Variants in EIF2B3 observed in about 807,000 individuals in gnomAD.
EIF2B3 encodes translation initiation factor eIF2B subunit gamma.
Under a neutral mutation model 54.1 loss-of-function variants are expected in EIF2B3, and 20 were observed. The observed-to-expected ratio is 0.37, with a 90% CI of 0.26 to 0.54. The LOEUF (loss-of-function observed/expected upper bound fraction) is 0.54. Ranked by LOEUF, EIF2B3 falls within the 20% of genes least tolerant of loss-of-function variation. The pLI, the probability that EIF2B3 is intolerant of heterozygous loss-of-function variation, is 0.86. For missense variants in EIF2B3, 448 were observed against 547.8 expected, an observed-to-expected ratio of 0.82 and a Z score of 1.82; for synonymous variants, 153 against 188.1, an observed-to-expected ratio of 0.81 and a Z score of 1.52.
chr1:44,970,233 C>T (rs891859246), intron 3 of EIF2B3, among the ~76,000 whole-genome samples: 2 of 152,032 alleles, frequency 1.3e-5, no homozygotes, highest in African/African-American at 4.8e-5. Context: ...GAGGTTTCCA[C>T]ATATAAGTAG....
chr1:44,932,674 C>G (rs1384849893), intron 4 of EIF2B3, among the ~76,000 whole-genome samples: 2 of 151,984 alleles, frequency 1.3e-5, no homozygotes, highest in Non-Finnish European at 2.9e-5. Context: ...AAAAGTGTTT[C>G]ATGCAAAGAA....
rs1304063332 is a variant in EIF2B3 at position 44,941,550 on chromosome 1, T to A, written c.410A>T (p.Asp137Val). The A allele has an allele frequency of 6.2e-7, 1 of 1,614,052 alleles. No individual in the cohort carries two copies. Among genetic ancestry groups the A allele is most frequent in the Admixed American group, 1.7e-5 (1 of 60,014 alleles). The change falls in exon 4 of 12, where the codon GAT becomes GTT. Residue 137 changes from aspartate (D) to valine (V), a missense_variant. Around this residue, in one of 3 missense-constraint regions of EIF2B3, gnomAD observed 350 missense variants for 414.2 expected, o/e 0.85. Transcript: ENST00000360403. ...TTGACCGGGAACAGGTTCTATGCTA[T>A]CTTGGCCTTTTCTCATCAACATAGC... ...SLAMLMRKGQ[D>V]SIEPVPGQKG...
chr1:44,955,892 G>C (rs953675074), intron 3 of EIF2B3, among the ~76,000 whole-genome samples: 3 of 152,130 alleles, frequency 2.0e-5, no homozygotes, highest in African/African-American at 7.2e-5. Flanking sequence ...GGAGAAACAG[G>C]AATGCTTTTA....
chr1:44,854,000 TTTTTTTG>T (rs1654357196), intron 11 of EIF2B3, among the ~76,000 whole-genome samples: 1 of 151,046 alleles, frequency 6.6e-6, no homozygotes, highest in African/African-American at 2.5e-5. Flanking sequence ...TAGTGTTTTT[TTTTTTTG>T]TTTTTTTTTT....
chr1:44,868,012 T>C (rs1419973645), intron 10 of EIF2B3, among the ~76,000 whole-genome samples: 1 of 152,034 alleles, frequency 6.6e-6, no homozygotes, highest in African/African-American at 2.4e-5. Context: ...CACTCTAGCC[T>C]GGGTGACAGA....
In EIF2B3 at chr1:44,962,248, C is replaced by CCCCT. The variant is rs1467391873; in HGVS notation, c.294+16066_294+16067insAGGG. Among the ~76,000 whole-genome samples the CCCCT allele has an allele frequency of 1.7e-4, 17 of 102,210 alleles. 1 individual carries two copies. The East Asian group carries it at 4.9e-3, about 29-fold the overall frequency. 67.1% of individuals were successfully genotyped at this position (102,210 alleles called of 152,430 possible). ...CATCATCATCATCATCATCATCCTT[C>CCCCT]CTCTGGGAGAACATTCTTGGGGTAG... On this transcript the variant is annotated intron_variant, in intron 3 of 11. Transcript: ENST00000360403.
chr1:44,852,013 A>G (rs1654286123), intron 11 of EIF2B3, among the ~76,000 whole-genome samples: 1 of 151,460 alleles, frequency 6.6e-6, no homozygotes, highest in East Asian at 1.9e-4. Flanking sequence ...CAGTGGCGCA[A>G]TCTTGGCTCA....
intron 3 of EIF2B3, among the ~76,000 whole-genome samples, chr1:44,974,869 A>T (rs1027029429): frequency 6.6e-6 from 1 of 152,162 alleles, no homozygotes; most frequent in Admixed American, 6.6e-5. Flanking sequence ...TACCAGTTAC[A>T]ATATCATTAA....
At chr1:44,893,048 T>C (rs1323344723) in intron 6 of EIF2B3, among the ~76,000 whole-genome samples, 2 of 152,150 alleles carry the variant, frequency 1.3e-5, no homozygotes, top group Admixed American at 1.3e-4. Context: ...TTCTACACTT[T>C]CATCTTTTTT....
chr1:44,884,364 C>T (rs553059978), intron 6 of EIF2B3, among the ~76,000 whole-genome samples: 1 of 152,110 alleles, frequency 6.6e-6, no homozygotes, highest in Non-Finnish European at 1.5e-5. Flanking sequence ...CTCCCAGCCC[C>T]CATTCAAAGC....
At chr1:44,937,606 G>A (rs12725055) in intron 4 of EIF2B3, among the ~76,000 whole-genome samples, 33,671 of 151,620 alleles carry the variant, frequency 0.22, 4,054 homozygotes, top group Admixed American at 0.33. Context: ...GCAGCAGACC[G>A]GGCGCGGTGG....
chr1:44,926,840 A>C (rs1164187691), intron 4 of EIF2B3, 101 bp from the exon 5 acceptor site: 18 of 1,067,996 alleles, frequency 1.7e-5, no homozygotes. Flanking sequence ...CTTGGAAACA[A>C]CACAGGATTG....
rs1654247155 is a variant in EIF2B3 at position 44,850,873 on chromosome 1, ATACAGAGT to A, written c.*70_*77del. 6.6e-7 allele frequency: 1 copy of A among 1,515,402 alleles called. No homozygotes were observed. The highest frequency in any genetic ancestry group is 1.4e-5 in the African/African-American group (1 of 72,826). 93.9% of individuals were successfully genotyped at this position (1,515,402 alleles called of 1,614,324 possible). On this transcript the variant is annotated 3_prime_UTR_variant, in exon 12 of 12. Transcript: ENST00000360403. ...GAAGCCCTTCTTTATTGGGAAATAA[ATACAGAGT>A]TAAACAGGTGGGCCGGCCAACATCT...
chr1:44,919,296 G>A (rs1643689239), intron 5 of EIF2B3, among the ~76,000 whole-genome samples: 1 of 151,328 alleles, frequency 6.6e-6, no homozygotes, highest in South Asian at 2.1e-4. Flanking sequence ...GTTGCAGTGA[G>A]CTGAGATCAC....
intron 3 of EIF2B3, among the ~76,000 whole-genome samples, chr1:44,969,454 A>G (rs1484989754): frequency 6.6e-6 from 1 of 152,230 alleles, no homozygotes; most frequent in Admixed American, 6.5e-5. Flanking sequence ...GGCAACTGAA[A>G]ACTCAAACAC....
chr1:44,888,463 T>C lies in EIF2B3; in HGVS notation c.657-6724A>G, dbSNP rs181172322. ...AAAAATTTCTTGCCAGTCAGACTTA[T>C]GGCTTCTCAATCTCTCTCTCTCTCT... On this transcript the variant is annotated intron_variant, in intron 6 of 11. Coordinates refer to ENST00000360403, the MANE Select transcript of EIF2B3 (RefSeq NM_020365.5). Among the ~76,000 whole-genome samples the C allele has an allele frequency of 5.3e-3, 773 of 144,538 alleles. 3 individuals are homozygous for C. Among genetic ancestry groups the C allele is most frequent in the Non-Finnish European group, 7.7e-3 (516 of 66,674 alleles). 94.8% of individuals were successfully genotyped at this position (144,538 alleles called of 152,430 possible).
Position 44,881,881 on chromosome 1 carries a change from CTTGGCAG to C in EIF2B3, c.657-149_657-143del. The C allele has an allele frequency of 8.6e-7, 1 of 1,161,530 alleles. No individual in the cohort carries two copies. Among genetic ancestry groups the C allele is most frequent in the Non-Finnish European group, 1.2e-6 (1 of 809,560 alleles). The allele number at this position is 1,161,530 out of a possible 1,614,324, so 72.0% of individuals were successfully genotyped here. A position where few individuals can be genotyped will look rare whatever the true frequency, so the allele number is the denominator to read the frequency against. On this transcript the variant is annotated intron_variant, in intron 6 of 11. Transcript: ENST00000360403. This position sits in a 1 kb window ranked among gnomAD's most constrained non-coding sequence, Gnocchi z 4.0. ...TGTCAGAGATCAAATGTGGCATTGA[CTTGGCAG>C]TTCGGAGAAGCAGAGTGCTTCCTGG... is the stretch of plus-strand genomic sequence containing the variant.
intron 3 of EIF2B3, among the ~76,000 whole-genome samples, chr1:44,974,413 A>G (rs1391581672): frequency 1.3e-5 from 2 of 151,168 alleles, no homozygotes; most frequent in South Asian, 2.1e-4. Flanking sequence ...GGTCGAGGTT[A>G]CAGTGAGCCG....
chr1:44,904,592 C>T (rs1033609406), intron 5 of EIF2B3, among the ~76,000 whole-genome samples: 1 of 152,182 alleles, frequency 6.6e-6, no homozygotes, highest in African/African-American at 2.4e-5. Flanking sequence ...CGGCTCACTG[C>T]AAGCTCTGCC....
Sources: gnomAD v4.1 joint callset for allele counts (sites outside exome capture counted in the v4.1 genomes callset) on GRCh38, gnomAD v4.1.1 for gene constraint, gnomAD v4.1.1 regional missense constraint, Gnocchi (gnomAD v3.1) non-coding constraint, MANE v1.5 for transcripts, NCBI Gene and HGNC (gene_info 2026-07-23, HGNC 2026-07-21) for gene names.